PSMG2: variants seen among roughly 807,000 people sequenced by gnomAD.
PSMG2 encodes the protein proteasome assembly chaperone 2.
PSMG2 carries 21 observed loss-of-function variants against 31.5 expected under a neutral mutation model. That is an observed-to-expected ratio of 0.67 (90% confidence interval 0.47 to 0.96). The LOEUF is 0.96. PSMG2 is among the 40% of genes least tolerant of loss of function. The pLI is 0.00. For missense variants in PSMG2, 318 were observed against 321.2 expected (o/e 0.99, Z 0.08); for synonymous variants, 120 against 110.4 (o/e 1.09, Z -0.54).
chr18:12,675,753 C>G (rs1371087197), intron 1 of PSMG2, among the ~76,000 whole-genome samples: 2 of 152,044 alleles, frequency 1.3e-5, no homozygotes, highest in African/African-American at 2.4e-5. Flanking sequence ...ACTGCAACCT[C>G]TGCCTCCCAG....
intron 1 of PSMG2, among the ~76,000 whole-genome samples, chr18:12,659,930 C>T (rs45443302): frequency 3.3e-5 from 5 of 152,232 alleles, no homozygotes; most frequent in Admixed American, 2.0e-4. Flanking sequence ...CCAAATTTTG[C>T]TATTTCAAAA....
intron 1 of PSMG2, among the ~76,000 whole-genome samples, chr18:12,670,018 G>A (rs1000758121): frequency 1.3e-5 from 2 of 148,676 alleles, no homozygotes; most frequent in East Asian, 4.1e-4. Context: ...AAAAGAAAAA[G>A]AAAAAGAAAA....
chr18:12,700,496 T>G (rs2145114554), upstream of PSMG2: 2 of 153,962 alleles, frequency 1.3e-5, no homozygotes, highest in East Asian at 3.8e-4. Context: ...ATTATTGACC[T>G]ATTTGTATTA....
At chr18:12,708,517 A>G (rs1444913916) in intron 2 of PSMG2, among the ~76,000 whole-genome samples, 1 of 151,560 alleles carries the variant, frequency 6.6e-6, no homozygotes, top group East Asian at 2.0e-4. Context: ...GGCATGTGCC[A>G]CCACACCCAG....
intron 1 of PSMG2, among the ~76,000 whole-genome samples, chr18:12,667,779 AAAAG>A (rs1387509770): frequency 4.1e-5 from 6 of 147,986 alleles, no homozygotes; most frequent in Non-Finnish European, 9.0e-5. Flanking sequence ...AAAAAAAAAG[AAAAG>A]AAAAGAAAAT....
chr18:12,692,241 G>A (rs113606055), intron 1 of PSMG2: 13,964 of 151,750 alleles, frequency 0.092, 882 homozygotes, highest in Non-Finnish European at 0.13. Flanking sequence ...GCTTGAACCC[G>A]GGAGGCAGAG....
intron 1 of PSMG2, chr18:12,697,082 T>G (rs985226640): frequency 3.5e-6 from 2 of 567,866 alleles, no homozygotes; most frequent in East Asian, 2.9e-5. Flanking sequence ...ATTAGGATGC[T>G]GAGGTCCAAT....
rs1465866538 is a variant in PSMG2 at position 12,705,576 on chromosome 18, A to AGAGAGT, written c.58-973_58-972insAGAGTG. Among the ~76,000 whole-genome samples the AGAGAGT allele has an allele frequency of 2.0e-3, 261 of 129,760 alleles. 6 individuals carry two copies. The South Asian group carries it at 0.04, about 20-fold the overall frequency. 85.1% of individuals were successfully genotyped at this position (129,760 alleles called of 152,430 possible). ...GAGAGAGAGAGAGAGAGAGAGAGAG[A>AGAGAGT]GTGTGTGTGTGTGTGTGTGTGTGTG... On this transcript the variant is annotated intron_variant, in intron 1 of 6. Transcript: ENST00000317615.
chr18:12,671,269 TA>T (rs1160808498), intron 1 of PSMG2: 2 of 152,128 alleles, frequency 1.3e-5, no homozygotes, highest in East Asian at 1.9e-4. Context: ...AAGACACTTT[TA>T]GATTTTAATT....
intron 3 of PSMG2, among the ~76,000 whole-genome samples, chr18:12,716,316 C>T (rs1427122409): frequency 6.6e-6 from 1 of 151,138 alleles, no homozygotes; most frequent in Non-Finnish European, 1.5e-5. Flanking sequence ...TTTTTGTTCT[C>T]TTTCTAATCA....
intron 4 of PSMG2, among the ~76,000 whole-genome samples, chr18:12,718,872 G>A (rs1040093860): frequency 2.0e-5 from 3 of 152,144 alleles, no homozygotes; most frequent in African/African-American, 7.2e-5. Flanking sequence ...GAGAGAGAGA[G>A]TTTGGGAACC....
chr18:12,677,843 T>A (rs1239109102), intron 1 of PSMG2, among the ~76,000 whole-genome samples: 1 of 152,196 alleles, frequency 6.6e-6, no homozygotes, highest in East Asian at 1.9e-4. Flanking sequence ...GCAAAAATCT[T>A]GACTCTAAGG....
chr18:12,712,657 A>G (rs368131965), intron 2 of PSMG2, 45 bp from the exon 3 acceptor site: 87 of 1,385,378 alleles, frequency 6.3e-5, no homozygotes, highest in African/African-American at 2.2e-4. Context: ...TTCAACTTGT[A>G]TAACTTCACT....
In PSMG2 at chr18:12,697,470, G is replaced by T. The variant is rs1382408255; in HGVS notation, c.-36-9080G>T. 11 of 1,100,494 alleles carry T rather than the reference G, an allele frequency of 1.0e-5. No homozygotes were observed. The African/African-American group carries it at 1.6e-4, about 16-fold the overall frequency. 68.2% of individuals were successfully genotyped at this position (1,100,494 alleles called of 1,614,324 possible). On this transcript the variant is annotated intron_variant, in intron 1 of 6. Coordinates refer to the PSMG2 transcript ENST00000585331. ...CATATTCAGTTAGGCCAACATAAAA[G>T]AATACTTTTATTAAACAGTAAATAA...
intron 1 of PSMG2, among the ~76,000 whole-genome samples, chr18:12,671,642 C>CT (rs869130220): frequency 0.13 from 7,504 of 55,678 alleles, 533 homozygotes; most frequent in Non-Finnish European, 0.15. Flanking sequence ...TTCACACTTT[C>CT]TTTTTTTTTT....
chr18:12,716,577 G>A (rs1188721781), intron 3 of PSMG2, among the ~76,000 whole-genome samples: 2 of 151,782 alleles, frequency 1.3e-5, no homozygotes, highest in African/African-American at 2.4e-5. Context: ...TGTATTTTTA[G>A]TAGAGACGGG....
At chr18:12,695,384 T>A in intron 1 of PSMG2, 1 of 1,044,174 alleles carries the variant, frequency 9.6e-7, no homozygotes, top group Non-Finnish European at 1.4e-6. Context: ...CTTCAGAGAT[T>A]TCAATACTAT....
At position 12,703,077 on chromosome 18, in the gene PSMG2, GT is replaced by G; in HGVS notation, c.-29del. On this transcript the variant is annotated 5_prime_UTR_variant, in exon 1 of 7. Transcript: ENST00000317615. ...TGCCCTCGTTCTTGCCAGGGCCGCG[GT>G]TAGTCCCTGCTGGCCACCCCACTGC... 6.2e-7 allele frequency: 1 copy of G among 1,608,096 alleles called. No individual in the cohort carries two copies. The highest frequency in any genetic ancestry group is 1.1e-5 in the South Asian group (1 of 89,952).
At chr18:12,696,502 A>AAATAATAAT (rs35130356) in intron 1 of PSMG2, among the ~76,000 whole-genome samples, 1 of 151,242 alleles carries the variant, frequency 6.6e-6, no homozygotes, top group African/African-American at 2.4e-5. Flanking sequence ...ACTCCATCTC[A>AAATAATAAT]AATAATAATA....
Sources: allele counts gnomAD v4.1 joint callset (sites outside exome capture counted in the v4.1 genomes callset), GRCh38; gene constraint gnomAD v4.1.1; transcripts MANE v1.5; gene names NCBI Gene and HGNC (gene_info 2026-07-23, HGNC 2026-07-21).